LAMA5: variants seen among roughly 807,000 people sequenced by gnomAD.
The protein encoded by LAMA5 is laminin subunit alpha 5, also known as laminin subunit alpha-5.
Under a neutral mutation model 433.4 loss-of-function variants are expected in LAMA5, and 260 were observed. That is an observed-to-expected ratio of 0.60 (90% CI 0.54 to 0.66). The LOEUF is 0.66. Among genes scored for constraint, LAMA5 ranks in the 30% least tolerant of loss-of-function variants. The pLI is 0.00. For missense variants in LAMA5, 5,378 were observed against 5,258.5 expected, an observed-to-expected ratio of 1.02 and a Z score of -0.70; for synonymous variants, 2,620 against 2,226.6, an observed-to-expected ratio of 1.18 and a Z score of -4.97.
At chr20:62,338,871 T>C (rs558049641) in intron 11 of LAMA5, among the ~76,000 whole-genome samples, 2 of 152,116 alleles carry the variant, frequency 1.3e-5, no homozygotes, top group South Asian at 4.2e-4. Flanking sequence ...GCCCTGTCTG[T>C]ACTAAAAATA....
chr20:62,320,222 G>C (rs1486202276), intron 50 of LAMA5, among the ~76,000 whole-genome samples: 1 of 149,258 alleles, frequency 6.7e-6, no homozygotes, highest in African/African-American at 2.5e-5. Context: ...GGAGGCTGAG[G>C]CAGGAGAATC....
chr20:62,332,335 G>A (rs1442473991), intron 28 of LAMA5, 37 bp downstream of exon 28: 2 of 1,423,254 alleles, frequency 1.4e-6, no homozygotes, highest in Non-Finnish European at 2.0e-6. Context: ...TCTGAAAGAA[G>A]CTGACCCCTT....
chr20:62,320,379 T>C (rs890031802), intron 50 of LAMA5, among the ~76,000 whole-genome samples, 180 bp downstream of exon 50: 3 of 147,102 alleles, frequency 2.0e-5, no homozygotes, highest in Non-Finnish European at 4.5e-5. Flanking sequence ...TAAACAAATG[T>C]ATTAGGTAGT....
rs559879520 is a variant in LAMA5, at chr20:62,320,645, G to A, written c.6673C>T (p.Pro2225Ser). The A allele has an allele frequency of 6.2e-6, 10 of 1,607,254 alleles. No individual in the cohort carries two copies. The African/African-American group carries it at 8.0e-5, about 13-fold the overall frequency. ...LQSQLRSPLG[P>S]RHETAQQLEV... The stretch of plus-strand genomic sequence containing the variant: ...AGCTGCTGTGCCGTCTCATGGCGGG[G>A]GCCCAGGGGGCTCCGGAGCTGGCTC... Residue 2225 changes from proline (P) to serine (S), a missense_variant, in exon 50 of 80, where the codon CCC becomes TCC. Coordinates refer to ENST00000252999, the MANE Select transcript of LAMA5 (RefSeq NM_005560.6).
At chr20:62,323,967 C>G (rs571302413) in intron 43 of LAMA5, 111 bp from the exon 44 acceptor site, 16 of 1,414,900 alleles carry the variant, frequency 1.1e-5, no homozygotes, top group Non-Finnish European at 1.5e-5. Flanking sequence ...CCAGACCTCA[C>G]GGACACCTCC....
chr20:62,336,588 G>A, intron 17 of LAMA5, 143 bp from the exon 18 acceptor site: 3 of 1,160,420 alleles, frequency 2.6e-6, no homozygotes, highest in Non-Finnish European at 3.8e-6. Flanking sequence ...AGTGGGGGCA[G>A]AGGACCAGCC....
intron 28 of LAMA5, 95 bp from the exon 29 acceptor site, chr20:62,331,224 G>T: frequency 5.1e-6 from 1 of 195,926 alleles, no homozygotes; most frequent in East Asian, 1.0e-4. Context: ...GGTACGATGG[G>T]GGGGTGCAGG....
Position 62,324,616 on chromosome 20 carries a change from A to C in LAMA5, c.5530-62T>G. 9.2e-7 allele frequency: 1 copy of C among 1,089,456 alleles called. No individual in the cohort carries two copies. 67.5% of individuals were successfully genotyped at this position (1,089,456 alleles called of 1,614,324 possible). A position where few individuals can be genotyped will look rare whatever the true frequency, so the allele number is the denominator to read the frequency against. On this transcript the variant is annotated intron_variant, in intron 41 of 79. Transcript: ENST00000252999. The surrounding 1 kb of genome is among the most constrained non-coding windows in gnomAD (Gnocchi z 4.4). ...AGAGGACGAGGGGCCCCACCCTGCA[A>C]GCTCACAAGTCAGACCCTCAGGGAT...
intron 6 of LAMA5, among the ~76,000 whole-genome samples, 188 bp from the exon 7 acceptor site, chr20:62,347,216 T>A (rs192217902): frequency 6.6e-6 from 1 of 152,196 alleles, no homozygotes. Flanking sequence ...CCCGAGCCTG[T>A]GGCTCTGACG....
chr20:62,363,139 C>A (rs866797628), intron 1 of LAMA5, among the ~76,000 whole-genome samples: 2 of 152,162 alleles, frequency 1.3e-5, no homozygotes, highest in South Asian at 4.1e-4. Flanking sequence ...CGGCCAGACC[C>A]CCCCCCACCT....
At chr20:62,332,300 C>T in intron 28 of LAMA5, 72 bp downstream of exon 28, 2 of 1,105,490 alleles carry the variant, frequency 1.8e-6, no homozygotes, top group Non-Finnish European at 2.8e-6. Context: ...ACTGTCCTCT[C>T]CCCTCTCATG....
At position 62,359,512 on chromosome 20, in the gene LAMA5, C is replaced by A. The variant is rs549882224; in HGVS notation, c.450+2888G>T. 7.0e-4 allele frequency among the ~76,000 whole-genome samples: 107 copies of A among 152,086 alleles called. No individual in the cohort carries two copies. The highest frequency in any genetic ancestry group is 3.4e-3 in the Middle Eastern group (1 of 292). ...GGGCCTGGGGCCTGGGTGTGGTTCTCGGAAGAAGGAGCCTGAGGCCAGTGA... is the reference window on the plus strand; with the variant it reads ...GGGCCTGGGGCCTGGGTGTGGTTCTAGGAAGAAGGAGCCTGAGGCCAGTGA... On this transcript the variant is annotated intron_variant, in intron 2 of 79. Coordinates refer to ENST00000252999, the MANE Select transcript of LAMA5 (RefSeq NM_005560.6). This position sits in a 1 kb window ranked among gnomAD's most constrained non-coding sequence, Gnocchi z 4.3.
rs897688195 is a variant in LAMA5, at chr20:62,336,810, G to A, written c.2165-24C>T. On this transcript the variant is annotated intron_variant, in intron 16 of 79. Transcript: ENST00000252999. ...AGCTGTGAAGAGAGGACCATGCCTCGGTCATTTCCCAGTGACCAACCCGGA... is the reference window on the plus strand; with the variant it reads ...AGCTGTGAAGAGAGGACCATGCCTCAGTCATTTCCCAGTGACCAACCCGGA... The A allele has an allele frequency of 9.9e-6, 16 of 1,610,466 alleles. No individual in the cohort carries two copies. The African/African-American group carries it at 1.1e-4, about 11-fold the overall frequency.
In LAMA5 at chr20:62,329,922, C is replaced by A. The variant is rs777364168; in HGVS notation, c.3980-6G>T. 6.2e-7 allele frequency: 1 copy of A among 1,610,110 alleles called. No individual in the cohort carries two copies. The highest frequency in any genetic ancestry group is 8.5e-7 in the Non-Finnish European group (1 of 1,179,458). The stretch of plus-strand genomic sequence containing the variant: ...GAAGCTGGCGTTGGCGTGGCCTGGG[C>A]GGGGGAGAAAGGCAGGGTCAGGCCC... On this transcript the variant is annotated splice_polypyrimidine_tract_variant and splice_region_variant and intron_variant, in intron 31 of 79. Coordinates refer to ENST00000252999, the MANE Select transcript of LAMA5 (RefSeq NM_005560.6).
At chr20:62,335,336 GA>G in intron 18 of LAMA5, 67 bp from the exon 19 acceptor site, 4 of 1,545,316 alleles carry the variant, frequency 2.6e-6, no homozygotes, top group Non-Finnish European at 3.5e-6. Flanking sequence ...GCCCCCCGAG[GA>G]ACCCCCACAC....
chr20:62,335,024 G>C lies in LAMA5; in HGVS notation c.2479C>G (p.Arg827Gly). 21 of 1,612,512 alleles carry C rather than the reference G, an allele frequency of 1.3e-5. No homozygotes were observed. The highest frequency in any genetic ancestry group is 1.8e-5 in the Non-Finnish European group (21 of 1,179,488). Residue 827 changes from arginine (R) to glycine (G), a missense_variant, in exon 20 of 80, where the codon CGC becomes GGC. Physicochemically the swap from Arg to Gly is moderately radical, Grantham distance 125. Coordinates refer to ENST00000252999, the MANE Select transcript of LAMA5 (RefSeq NM_005560.6). ...GGACGAGCGAGTGGGCACTCACTGC[G>C]GCAGCCAAAATAGTCAGCCTGATCC... ...GLDQADYFGCRSCRCDIGGAL... is the reference protein window; with the variant it reads ...GLDQADYFGCGSCRCDIGGAL...
In LAMA5 at chr20:62,338,038, G is replaced by C. The variant is rs1407133446; in HGVS notation, c.1869C>G (p.Tyr623Ter). Residue 623 changes from tyrosine (Y) to a stop codon, truncating the protein, a stop_gained, in exon 14 of 80, where the codon TAC becomes TAG. Coordinates refer to ENST00000252999, the MANE Select transcript of LAMA5 (RefSeq NM_005560.6). LOFTEE classifies it high-confidence loss of function. Reference protein sequence around the residue: ...GPHCDRCRPGYHGFPNCQACT... With the variant: ...GPHCDRCRPG Reference sequence around the variant, plus strand: ...CACCTTGGCAGTTGGGGAAACCATGGTAGCCAGGGCGGCACCGGTCACAAT... The same window carrying C: ...CACCTTGGCAGTTGGGGAAACCATGCTAGCCAGGGCGGCACCGGTCACAAT... The C allele has an allele frequency of 6.2e-7, 1 of 1,600,904 alleles. No homozygotes were observed. Among genetic ancestry groups the C allele is most frequent in the East Asian group, 2.2e-5 (1 of 44,672 alleles).
chr20:62,359,490 CCTGG>C lies in LAMA5; in HGVS notation c.450+2906_450+2909del, dbSNP rs1233639038. Among the ~76,000 whole-genome samples, 3 of 151,910 alleles carry C rather than the reference CCTGG, an allele frequency of 2.0e-5. No individual in the cohort carries two copies. Among genetic ancestry groups the C allele is most frequent in the Admixed American group, 6.6e-5 (1 of 15,256 alleles). On this transcript the variant is annotated intron_variant, in intron 2 of 79. Coordinates refer to ENST00000252999, the MANE Select transcript of LAMA5 (RefSeq NM_005560.6). This position sits in a 1 kb window ranked among gnomAD's most constrained non-coding sequence, Gnocchi z 4.3. ...CCTTCCCTGGGCCTGGGGCCTGGGG[CCTGG>C]GGCCTGGGTGTGGTTCTCGGAAGAA...
intron 5 of LAMA5, 23 bp downstream of exon 5, chr20:62,351,886 C>A (rs201928639): frequency 6.3e-6 from 10 of 1,578,870 alleles, no homozygotes; most frequent in African/African-American, 1.3e-5. Flanking sequence ...CCCCCTCCCC[C>A]GCCTGCGCCA....
Sources: gnomAD v4.1 joint callset for allele counts (sites outside exome capture counted in the v4.1 genomes callset) on GRCh38, gnomAD v4.1.1 for gene constraint, Gnocchi (gnomAD v3.1) non-coding constraint, MANE v1.5 for transcripts, NCBI Gene and HGNC (gene_info 2026-07-23, HGNC 2026-07-21) for gene names.